Variants in TMX3 observed in about 807,000 individuals in gnomAD.
TMX3 encodes the protein thioredoxin related transmembrane protein 3.
In TMX3, 40 loss-of-function variants were observed where a neutral mutation model predicts 64.4. That is an observed-to-expected ratio of 0.62 (90% CI 0.48 to 0.81). TMX3 has a LOEUF of 0.81. Ranked by LOEUF, TMX3 falls within the 30% of genes least tolerant of loss-of-function variation. TMX3 has a pLI of 0.00. For missense variants in TMX3, 497 were observed against 534.5 expected (o/e 0.93, Z 0.69); for synonymous variants, 189 against 175.7 (o/e 1.08, Z -0.60).
At chr18:68,691,414 G>A in intron 8 of TMX3, 53 bp from the exon 9 acceptor site, 1 of 1,200,774 alleles carries the variant, frequency 8.3e-7, no homozygotes, top group Non-Finnish European at 1.1e-6. Flanking sequence ...ATTCTAATTA[G>A]TAACTATAAT....
intron 4 of TMX3, among the ~76,000 whole-genome samples, chr18:68,707,948 T>C (rs1043756270): frequency 2.0e-5 from 3 of 150,718 alleles, no homozygotes; most frequent in Non-Finnish European, 4.4e-5. Flanking sequence ...TGTATATATA[T>C]GTGTATATAT....
chr18:68,713,268 G>C (rs2031468905), intron 2 of TMX3, among the ~76,000 whole-genome samples: 1 of 152,170 alleles, frequency 6.6e-6, no homozygotes, highest in South Asian at 2.1e-4. Context: ...CAATAAGGAG[G>C]CTGCTAAACA....
intron 9 of TMX3, chr18:68,688,668 A>G (rs1914203125): frequency 6.6e-6 from 1 of 152,218 alleles, no homozygotes; most frequent in African/African-American, 2.4e-5. Context: ...ATCTCAAAGA[A>G]TTTATTGATT....
Position 68,684,188 on chromosome 18 carries a change from A to T in TMX3, c.848+2T>A. 1 of 1,605,082 alleles carries T rather than the reference A, an allele frequency of 6.2e-7. No homozygotes were observed. Among genetic ancestry groups the T allele is most frequent in the Non-Finnish European group, 8.5e-7 (1 of 1,174,618 alleles). Reference sequence around the variant, plus strand: ...GGAATCTCTCAGAATATAAGCACCTACCTATGGAAGAGGTCTCTGTAATCT... The same window carrying T: ...GGAATCTCTCAGAATATAAGCACCTTCCTATGGAAGAGGTCTCTGTAATCT... On this transcript the variant is annotated splice_donor_variant, in intron 12 of 15. Coordinates refer to ENST00000299608, the MANE Select transcript of TMX3 (RefSeq NM_019022.5). LOFTEE classifies it high-confidence loss of function.
intron 10 of TMX3, chr18:68,687,429 G>A: frequency 7.1e-6 from 7 of 985,138 alleles, no homozygotes; most frequent in Non-Finnish European, 8.4e-6. Flanking sequence ...CAGGCTTTTT[G>A]TTTTCCTTAT....
At chr18:68,693,875 C>T in intron 8 of TMX3, among the ~76,000 whole-genome samples, 1 of 152,102 alleles carries the variant, frequency 6.6e-6, no homozygotes, top group South Asian at 2.1e-4. Context: ...TGGATCGTGC[C>T]TTTTCCAGGC....
chr18:68,711,431 T>C (rs774499989), intron 2 of TMX3, 28 bp from the exon 3 acceptor site: 2 of 1,534,876 alleles, frequency 1.3e-6, no homozygotes, highest in Admixed American at 1.8e-5. Flanking sequence ...AAATGTTTGA[T>C]TGTATGTTTG....
At chr18:68,685,669 T>C (rs1190271034) in intron 10 of TMX3, among the ~76,000 whole-genome samples, 3 of 152,164 alleles carry the variant, frequency 2.0e-5, no homozygotes, top group Admixed American at 2.0e-4. Flanking sequence ...TCCGAGGACA[T>C]GGTGATGAGC....
chr18:68,708,835 C>A (rs1356948494), intron 4 of TMX3, among the ~76,000 whole-genome samples: 2 of 152,036 alleles, frequency 1.3e-5, no homozygotes, highest in African/African-American at 2.4e-5. Context: ...GTTTTAAATA[C>A]AAGATATTAA....
chr18:68,693,593 C>T (rs751092469), intron 8 of TMX3, among the ~76,000 whole-genome samples: 1 of 152,164 alleles, frequency 6.6e-6, no homozygotes, highest in African/African-American at 2.4e-5. Context: ...CGCTGACGTG[C>T]CAGCTCCCAA....
Position 68,697,310 on chromosome 18 carries a change from A to T in TMX3, c.493-7T>A. The stretch of plus-strand genomic sequence containing the variant: ...CAGCATCTATGTATTTCTCCTATGA[A>T]GATACAAACAGAAAAAAGATCATTG... On this transcript the variant is annotated splice_region_variant and splice_polypyrimidine_tract_variant and intron_variant, in intron 7 of 15. Transcript: ENST00000299608. 1 of 1,485,860 alleles carries T rather than the reference A, an allele frequency of 6.7e-7. No homozygotes were observed. Among genetic ancestry groups the T allele is most frequent in the East Asian group, 2.3e-5 (1 of 43,220 alleles). The allele number at this position is 1,485,860 out of a possible 1,614,324, so 92.0% of individuals were successfully genotyped here.
chr18:68,678,157 C>T (rs1030988257), intron 15 of TMX3, among the ~76,000 whole-genome samples: 3 of 152,052 alleles, frequency 2.0e-5, no homozygotes, highest in Admixed American at 6.6e-5. Flanking sequence ...AGGGCCTAAT[C>T]CATGCTCGTG....
chr18:68,687,859 CAG>C (rs1033436696), intron 9 of TMX3, 94 bp from the exon 10 acceptor site: 7 of 816,336 alleles, frequency 8.6e-6, no homozygotes, highest in African/African-American at 7.1e-5. Flanking sequence ...AAACGCCTGA[CAG>C]AGAATCATAC....
chr18:68,684,570 TAGTAA>T, intron 10 of TMX3, 85 bp from the exon 11 acceptor site: 3 of 1,090,166 alleles, frequency 2.8e-6, no homozygotes, highest in Non-Finnish European at 4.1e-6. Flanking sequence ...AGTAGGAAAT[TAGTAA>T]AGTATTTCTA....
rs1912710972 is a variant in TMX3 at position 68,673,799 on chromosome 18, T to TA, written c.*3133dup. On this transcript the variant is annotated 3_prime_UTR_variant, in exon 16 of 16. Coordinates refer to ENST00000299608, the MANE Select transcript of TMX3 (RefSeq NM_019022.5). The stretch of plus-strand genomic sequence containing the variant: ...TAATGCAGACTTTCAAAAACCTCTA[T>TA]AGATTAGTCCAAAGTAGAAAATTAT... 1 of 152,138 alleles carries TA rather than the reference T, an allele frequency of 6.6e-6. No individual in the cohort carries two copies. Among genetic ancestry groups the TA allele is most frequent in the Admixed American group, 6.6e-5 (1 of 15,252 alleles). 9.4% of individuals were successfully genotyped at this position (152,138 alleles called of 1,614,324 possible).
chr18:68,679,480 C>T lies in TMX3; in HGVS notation c.1087G>A (p.Ala363Thr), dbSNP rs570621976. The change falls in exon 15 of 16, where the codon GCC becomes ACC. Residue 363 changes from alanine to threonine, a missense_variant. By Grantham distance (58) the Ala-to-Thr change is moderately conservative. Transcript: ENST00000299608. ...CAACTTACCACAATAGTAGATTTGG[C>T]ATCAAATACTATTCTTTTCAATCTC... Reference protein sequence around the residue: ...LQRLKRIVFDAKSTIVSIFKS... With the variant: ...LQRLKRIVFDTKSTIVSIFKS... The T allele has an allele frequency of 2.5e-6, 4 of 1,611,954 alleles. No homozygotes were observed. The African/African-American group carries it at 4.0e-5, about 16-fold the overall frequency.
intron 5 of TMX3, among the ~76,000 whole-genome samples, chr18:68,701,421 G>C (rs1026363821): frequency 2.0e-5 from 3 of 152,050 alleles, no homozygotes; most frequent in Non-Finnish European, 4.4e-5. Context: ...CATCAACTTT[G>C]ATTCTGTTTT....
chr18:68,681,440 G>C (rs909780199), intron 13 of TMX3: 11 of 979,388 alleles, frequency 1.1e-5, no homozygotes, highest in Non-Finnish European at 1.2e-5. Flanking sequence ...GTTGTTCAAC[G>C]GTCAACAGTC....
chr18:68,709,710 G>A (rs2031064618), intron 4 of TMX3, among the ~76,000 whole-genome samples: 1 of 151,984 alleles, frequency 6.6e-6, no homozygotes, highest in African/African-American at 2.4e-5. Context: ...GAAAAAAACG[G>A]ATTCTGAACT....
Sources: allele counts gnomAD v4.1 joint callset (sites outside exome capture counted in the v4.1 genomes callset), GRCh38; gene constraint gnomAD v4.1.1; transcripts MANE v1.5; gene names NCBI Gene and HGNC (gene_info 2026-07-23, HGNC 2026-07-21).